Variants in CERS6 observed in about 807,000 individuals in gnomAD.
CERS6 encodes the protein LAG1 homolog, ceramide synthase 6.
Under a neutral mutation model 56.8 loss-of-function variants are expected in CERS6, and 26 were observed. The observed-to-expected ratio is 0.46, with a 90% CI of 0.34 to 0.63. The LOEUF (loss-of-function observed/expected upper bound fraction) is 0.63, where lower values mean the gene tolerates loss of function less well. Among genes scored for constraint, CERS6 ranks in the 30% least tolerant of loss-of-function variants. The probability of loss-of-function intolerance (pLI) is 0.01; values close to 1 mark genes in which losing one functional copy is unlikely to be tolerated. For missense variants in CERS6, 415 were observed against 467.5 expected, an observed-to-expected ratio of 0.89 and a Z score of 1.04; for synonymous variants, 164 against 173.3, an observed-to-expected ratio of 0.95 and a Z score of 0.42.
intron 2 of CERS6, among the ~76,000 whole-genome samples, chr2:168,551,954 T>C (rs201615119): frequency 6.6e-6 from 1 of 152,224 alleles, no homozygotes; most frequent in South Asian, 2.1e-4. Flanking sequence ...CCTATGATAC[T>C]AACTACCTCA....
chr2:168,665,958 G>C (rs1315367739), intron 4 of CERS6, among the ~76,000 whole-genome samples: 2 of 133,650 alleles, frequency 1.5e-5, no homozygotes, highest in Non-Finnish European at 3.3e-5. Flanking sequence ...TAGACTGTGT[G>C]TGTGTGTGTG....
At chr2:168,664,446 T>A (rs1167669878) in intron 4 of CERS6, among the ~76,000 whole-genome samples, 2 of 152,140 alleles carry the variant, frequency 1.3e-5, no homozygotes, top group Non-Finnish European at 2.9e-5. Context: ...CAAGAAAGAA[T>A]TCAGGGTGAG....
Position 168,774,626 on chromosome 2 carries a change from A to T in CERS6, c.*4964A>T, listed in dbSNP as rs776105482. 2.0e-5 allele frequency: 3 copies of T among 151,772 alleles called. No homozygotes were observed. Among genetic ancestry groups the T allele is most frequent in the Non-Finnish European group, 4.4e-5 (3 of 68,016 alleles). 9.4% of individuals were successfully genotyped at this position (151,772 alleles called of 1,614,324 possible). On this transcript the variant is annotated 3_prime_UTR_variant, in exon 10 of 10. Coordinates refer to ENST00000305747, the MANE Select transcript of CERS6 (RefSeq NM_203463.3). ...CTGTCATCATGAAACTACCCTTAGG[A>T]AAATAAGATTACCTGCAAAAAAAAA... is the stretch of plus-strand genomic sequence containing the variant.
chr2:168,699,780 A>T (rs1686758820), intron 6 of CERS6, among the ~76,000 whole-genome samples: 1 of 152,222 alleles, frequency 6.6e-6, no homozygotes, highest in Admixed American at 6.5e-5. Flanking sequence ...TGAAAAATAA[A>T]AGATGTTTAA....
chr2:168,673,508 G>A (rs890033070), intron 4 of CERS6, among the ~76,000 whole-genome samples: 3 of 152,144 alleles, frequency 2.0e-5, no homozygotes, highest in African/African-American at 7.2e-5. Context: ...TTTGTCTTTT[G>A]GGAGAAAAAT....
intron 7 of CERS6, among the ~76,000 whole-genome samples, chr2:168,716,040 T>C (rs1041459166): frequency 5.9e-5 from 9 of 152,100 alleles, no homozygotes; most frequent in Non-Finnish European, 1.0e-4. Context: ...TGACCTGTTA[T>C]TGCAATATAA....
rs1683956381 is a variant in CERS6 at position 168,742,806 on chromosome 2, G to A, written c.846-22786G>A. 1.3e-5 allele frequency among the ~76,000 whole-genome samples: 2 copies of A among 152,148 alleles called. 1 individual carries two copies. Among genetic ancestry groups the A allele is most frequent in the Non-Finnish European group, 2.9e-5 (2 of 68,038 alleles). ...GGGAGCAGATTAGGGACTGTGTTGT[G>A]GGTCTTTGTATAAGGTGTTTGGGTT... On this transcript the variant is annotated intron_variant, in intron 8 of 9. Coordinates refer to ENST00000305747, the MANE Select transcript of CERS6 (RefSeq NM_203463.3).
chr2:168,469,786 A>G (rs772836675), intron 1 of CERS6, among the ~76,000 whole-genome samples: 2 of 152,162 alleles, frequency 1.3e-5, no homozygotes, highest in African/African-American at 2.4e-5. Flanking sequence ...CACAACTGCA[A>G]TACCACTGTC....
At chr2:168,696,357 T>A (rs960746737) in intron 6 of CERS6, among the ~76,000 whole-genome samples, 4 of 152,200 alleles carry the variant, frequency 2.6e-5, no homozygotes, top group Non-Finnish European at 4.4e-5. Flanking sequence ...TTCCTTAATG[T>A]CACTGACAAA....
rs1684919822 is a variant in CERS6, at chr2:168,773,541, A to T, written c.*3879A>T. 1 of 152,244 alleles carries T rather than the reference A, an allele frequency of 6.6e-6. No homozygotes were observed. The highest frequency in any genetic ancestry group is 2.1e-4 in the South Asian group (1 of 4,834). 9.4% of individuals were successfully genotyped at this position (152,244 alleles called of 1,614,324 possible). A position where few individuals can be genotyped will look rare whatever the true frequency, so the allele number is the denominator to read the frequency against. On this transcript the variant is annotated 3_prime_UTR_variant, in exon 10 of 10. Coordinates refer to ENST00000305747, the MANE Select transcript of CERS6 (RefSeq NM_203463.3). ...GTCAGCCTGCTGGAAAAGTGATCAC[A>T]TGGCAGTTGCAGTAACTTGTATGGA... is the stretch of plus-strand genomic sequence containing the variant.
intron 3 of CERS6, among the ~76,000 whole-genome samples, chr2:168,604,574 T>A (rs532420990): frequency 6.6e-6 from 1 of 152,186 alleles, no homozygotes; most frequent in South Asian, 2.1e-4. Context: ...CCTGGGGAGG[T>A]GACCGAATCC....
intron 6 of CERS6, among the ~76,000 whole-genome samples, chr2:168,700,811 A>G (rs1316352504): frequency 6.6e-6 from 1 of 152,212 alleles, no homozygotes; most frequent in Non-Finnish European, 1.5e-5. Context: ...AATAAGTAGT[A>G]CATGTACTTA....
chr2:168,775,120 A>C lies in CERS6; in HGVS notation c.*5458A>C, dbSNP rs1390362901. ...TGGAAACACTTTCATAATAAAGATA[A>C]GTATTAAGAGTGCAGTGTAAGTGCC... On this transcript the variant is annotated 3_prime_UTR_variant, in exon 10 of 10. Transcript: ENST00000305747. The C allele has an allele frequency of 6.6e-6, 1 of 152,216 alleles. No homozygotes were observed. Among genetic ancestry groups the C allele is most frequent in the Non-Finnish European group, 1.5e-5 (1 of 68,032 alleles). The allele number at this position is 152,216 out of a possible 1,614,324, so 9.4% of individuals were successfully genotyped here.
chr2:168,517,094 G>T (rs1694896379), intron 1 of CERS6, among the ~76,000 whole-genome samples: 1 of 151,970 alleles, frequency 6.6e-6, no homozygotes, highest in Admixed American at 6.6e-5. Context: ...AGTCTTATAG[G>T]AGCCCAAATG....
Position 168,640,520 on chromosome 2 carries a change from A to G in CERS6, c.465+9478A>G, listed in dbSNP as rs1398965660. Among the ~76,000 whole-genome samples the G allele has an allele frequency of 2.0e-5, 3 of 152,320 alleles. No homozygotes were observed. The East Asian group carries it at 5.8e-4, about 29-fold the overall frequency. ...GGCACCATGGATGAAACAGTCTGAG[A>G]CACTAACCTTGTGGTGCCAAGGCTA... On this transcript the variant is annotated intron_variant, in intron 4 of 9. Coordinates refer to ENST00000305747, the MANE Select transcript of CERS6 (RefSeq NM_203463.3).
intron 3 of CERS6, chr2:168,583,059 A>G (rs539715987): frequency 2.0e-5 from 3 of 152,772 alleles, no homozygotes; most frequent in African/African-American, 7.2e-5. Context: ...AGACAAATGT[A>G]CATTTAATCA....
At chr2:168,671,003 C>A (rs1574146940) in intron 4 of CERS6, among the ~76,000 whole-genome samples, 1 of 127,766 alleles carries the variant, frequency 7.8e-6, no homozygotes. Context: ...GCTCTGTTGC[C>A]AGGCTAGAGT....
intron 3 of CERS6, among the ~76,000 whole-genome samples, chr2:168,575,085 C>T (rs751862141): frequency 6.6e-6 from 1 of 152,178 alleles, no homozygotes; most frequent in Non-Finnish European, 1.5e-5. Context: ...AAGAGGACAG[C>T]TCTGACTGCC....
intron 2 of CERS6, among the ~76,000 whole-genome samples, chr2:168,558,730 G>A (rs1268294591): frequency 3.9e-5 from 6 of 152,172 alleles, no homozygotes; most frequent in African/African-American, 1.2e-4. Flanking sequence ...TTAGCAGGGT[G>A]TGGTGGCTGG....
Sources: gnomAD v4.1 joint callset for allele counts (sites outside exome capture counted in the v4.1 genomes callset) on GRCh38, gnomAD v4.1.1 for gene constraint, MANE v1.5 for transcripts, NCBI Gene and HGNC (gene_info 2026-07-23, HGNC 2026-07-21) for gene names.